MYO1F: variants seen among roughly 807,000 people sequenced by gnomAD.
The protein encoded by MYO1F is unconventional myosin-If.
A neutral mutation model predicts 146.6 loss-of-function variants in MYO1F; 60 were observed. The ratio of observed to expected loss-of-function variants is 0.41; its 90% confidence interval spans 0.33 to 0.51. MYO1F has a LOEUF of 0.51. MYO1F is among the 20% of genes least tolerant of loss of function. The pLI, the probability that MYO1F is intolerant of heterozygous loss-of-function variation, is 0.25. For synonymous variants in MYO1F, 602 were observed against 602.1 expected (o/e 1.00, Z 0.00); for missense variants, 1,274 against 1,534.3 (o/e 0.83, Z 2.83).
At position 8,536,377 on chromosome 19, in the gene MYO1F, C is replaced by T. The variant is rs1175655074; in HGVS notation, c.1918G>A (p.Glu640Lys). ...FLQRYAILTP[E>K]TWPRWRGDER... Reference sequence around the variant, plus strand: ...TCCCCACGCCACCGCGGCCACGTCTCGGGGGTCAGAATGGCATACCTGAGG... The same window carrying T: ...TCCCCACGCCACCGCGGCCACGTCTTGGGGGTCAGAATGGCATACCTGAGG... The change falls in exon 19 of 28, where the codon GAG becomes AAG. Residue 640 changes from glutamate to lysine, a missense_variant. Around this residue, in one of 2 missense-constraint regions of MYO1F, gnomAD observed 900 missense variants for 1,155.1 expected, o/e 0.78. Coordinates refer to ENST00000644032, the MANE Select transcript of MYO1F (RefSeq NM_012335.4). 7 of 1,605,974 alleles carry T rather than the reference C, an allele frequency of 4.4e-6. No homozygotes were observed. Among genetic ancestry groups the T allele is most frequent in the South Asian group, 2.2e-5 (2 of 91,030 alleles).
intron 24 of MYO1F, 72 bp from the exon 25 acceptor site, chr19:8,525,634 A>C (rs1972235386): frequency 7.5e-7 from 1 of 1,328,064 alleles, no homozygotes; most frequent in Non-Finnish European, 1.1e-6. Flanking sequence ...AATCTAGTCC[A>C]TTCTGAGGCT....
At chr19:8,567,125 G>A (rs984038765) in intron 1 of MYO1F, among the ~76,000 whole-genome samples, 5 of 147,660 alleles carry the variant, frequency 3.4e-5, no homozygotes, top group Non-Finnish European at 7.4e-5. Context: ...GCAGTGGTAC[G>A]ACTTTGGCTT....
At position 8,521,572 on chromosome 19, in the gene MYO1F, C is replaced by T. The variant is rs768646479; in HGVS notation, c.3253G>A (p.Gly1085Ser). ...PSGWWKGRLH[G>S]QEGLFPGNYV... Reference sequence around the variant, plus strand: ...TTTCCTGGGAAAAGGCCCTCCTGGCCGTGAAGCCGGCCCTTCCACCAGCCC... The same window carrying T: ...TTTCCTGGGAAAAGGCCCTCCTGGCTGTGAAGCCGGCCCTTCCACCAGCCC... The change falls in exon 28 of 28, where the codon GGC becomes AGC. Residue 1085 changes from glycine (G) to serine (S), a missense_variant. Transcript: ENST00000644032. 31 of 1,614,026 alleles carry T rather than the reference C, an allele frequency of 1.9e-5. No homozygotes were observed. The highest frequency in any genetic ancestry group is 1.6e-4 in the Middle Eastern group (1 of 6,084).
At chr19:8,545,297 C>T (rs1973294812) in intron 13 of MYO1F, 1 of 317,248 alleles carries the variant, frequency 3.2e-6, no homozygotes, top group African/African-American at 2.2e-5. Context: ...CCATATTGGT[C>T]AGGCTGGTCT....
At chr19:8,542,682 C>T (rs1973031236) in intron 14 of MYO1F, among the ~76,000 whole-genome samples, 1 of 151,580 alleles carries the variant, frequency 6.6e-6, no homozygotes, top group Admixed American at 6.6e-5. Context: ...CTCACTGCAA[C>T]CTCCGCCTTC....
chr19:8,564,805 C>T (rs545956753), intron 1 of MYO1F, among the ~76,000 whole-genome samples: 5 of 151,762 alleles, frequency 3.3e-5, no homozygotes, highest in African/African-American at 7.2e-5. Context: ...CAGAGTCTCG[C>T]TCTGTCACCC....
chr19:8,552,676 T>C (rs1318261207), intron 6 of MYO1F, among the ~76,000 whole-genome samples: 4 of 151,846 alleles, frequency 2.6e-5, no homozygotes, highest in Admixed American at 2.6e-4. Context: ...CAGAGGAAAC[T>C]CAGGAAGTTG....
chr19:8,550,574 C>T lies in MYO1F; in HGVS notation c.892G>A (p.Glu298Lys). The T allele has an allele frequency of 6.2e-7, 1 of 1,614,200 alleles. No individual in the cohort carries two copies. Among genetic ancestry groups the T allele is most frequent in the Non-Finnish European group, 8.5e-7 (1 of 1,180,040 alleles). Residue 298 changes from glutamate to lysine, a missense_variant, in exon 9 of 28, where the codon GAG becomes AAG. Glu to Lys is a moderately conservative substitution (Grantham distance 56). Transcript: ENST00000644032. The part of the protein sequence containing the change: ...FCEDGNYARV[E>K]SVDLLAFPAY... The stretch of plus-strand genomic sequence containing the variant: ...TACCCACACTCACGGTCCACACTCT[C>T]CACTCGGGCGTAATTCCCGTCTTCA...
intron 1 of MYO1F, among the ~76,000 whole-genome samples, chr19:8,567,058 A>ATT (rs768377216): frequency 1.8e-3 from 229 of 127,656 alleles, no homozygotes; most frequent in African/African-American, 6.1e-3. Context: ...ACTGGGTCCA[A>ATT]TTTTTTTTTT....
At chr19:8,561,383 C>G (rs1459854294) in intron 1 of MYO1F, among the ~76,000 whole-genome samples, 1 of 107,382 alleles carries the variant, frequency 9.3e-6, no homozygotes, top group Non-Finnish European at 1.9e-5. Flanking sequence ...CCTCCCTTCC[C>G]CCCTTCTTTC....
chr19:8,540,342 T>A, intron 15 of MYO1F: 1 of 212,536 alleles, frequency 4.7e-6, no homozygotes, highest in Non-Finnish European at 9.2e-6. Context: ...TATCTTATTT[T>A]ATTTATTTAT....
chr19:8,548,145 C>T, intron 11 of MYO1F, 23 bp from the exon 12 acceptor site: 1 of 1,613,480 alleles, frequency 6.2e-7, no homozygotes, highest in Non-Finnish European at 8.5e-7. Flanking sequence ...GAAAAGGGTC[C>T]TTCCCTCAAT....
intron 22 of MYO1F, 54 bp downstream of exon 22, chr19:8,527,284 G>A: frequency 6.2e-7 from 1 of 1,611,506 alleles, no homozygotes; most frequent in South Asian, 1.1e-5. Context: ...TAGAATGAGG[G>A]CAGCCAGGGG....
At chr19:8,522,013 A>C (rs1233641320) in intron 27 of MYO1F, among the ~76,000 whole-genome samples, 1 of 139,422 alleles carries the variant, frequency 7.2e-6, no homozygotes, top group Non-Finnish European at 1.5e-5. Context: ...TGGCAATGTC[A>C]GTCAGGGTTC....
intron 25 of MYO1F, among the ~76,000 whole-genome samples, chr19:8,524,949 G>T (rs182040172): frequency 6.6e-6 from 1 of 152,140 alleles, no homozygotes; most frequent in Non-Finnish European, 1.5e-5. Context: ...GTTAATCCCA[G>T]CACTTTCGGA....
At chr19:8,552,266 C>CA in intron 6 of MYO1F, 102 bp from the exon 7 acceptor site, 3 of 1,120,478 alleles carry the variant, frequency 2.7e-6, no homozygotes, top group Non-Finnish European at 3.8e-6. Flanking sequence ...TCCCTTCTTC[C>CA]TTTTTTTTTT....
chr19:8,541,576 G>A (rs1343365285), intron 15 of MYO1F, among the ~76,000 whole-genome samples: 2 of 151,570 alleles, frequency 1.3e-5, no homozygotes, highest in African/African-American at 2.4e-5. Flanking sequence ...TTACAGGTGC[G>A]CGCCACCACG....
chr19:8,562,163 CT>C (rs369094611), intron 1 of MYO1F, among the ~76,000 whole-genome samples: 23,903 of 145,270 alleles, frequency 0.16, 1,994 homozygotes, highest in African/African-American at 0.21. Context: ...CTAATTTTTT[CT>C]TTTTTTTTTT....
intron 1 of MYO1F, among the ~76,000 whole-genome samples, chr19:8,561,039 G>T (rs775468756): frequency 6.6e-6 from 1 of 151,486 alleles, no homozygotes; most frequent in Non-Finnish European, 1.5e-5. Context: ...GCCTGGCCAC[G>T]CCTGGCTAAT....
Sources: allele counts gnomAD v4.1 joint callset (sites outside exome capture counted in the v4.1 genomes callset), GRCh38; gene constraint gnomAD v4.1.1; regional missense constraint gnomAD v4.1.1; transcripts MANE v1.5; gene names NCBI Gene and HGNC (gene_info 2026-07-23, HGNC 2026-07-21).